DTWD2: variants seen among roughly 807,000 people sequenced by gnomAD.
DTWD2 encodes the protein DTW motif tRNA-uridine aminocarboxypropyltransferase 2, also known as tRNA-uridine aminocarboxypropyltransferase 2.
In DTWD2, 39 loss-of-function variants were observed where a neutral mutation model predicts 31.8. That is an observed-to-expected ratio of 1.22 (90% CI 0.95 to 1.60). The LOEUF is 1.60. Ranked by LOEUF, DTWD2 falls within the 40% of genes most tolerant of loss-of-function variation. The pLI, the probability that DTWD2 is intolerant of heterozygous loss-of-function variation, is 0.00. For synonymous variants in DTWD2, 180 were observed against 142.8 expected (o/e 1.26, Z -1.86); for missense variants, 515 against 381.5 (o/e 1.35, Z -2.92).
chr5:118,907,662 C>T (rs1243803581), intron 4 of DTWD2, among the ~76,000 whole-genome samples: 1 of 151,130 alleles, frequency 6.6e-6, no homozygotes, highest in Admixed American at 6.6e-5. Context: ...ACCTGAGAGG[C>T]GAAGACTGCA....
At chr5:118,955,690 GAGGCTA>G (rs1402281830) in intron 1 of DTWD2, among the ~76,000 whole-genome samples, 1 of 151,870 alleles carries the variant, frequency 6.6e-6, no homozygotes, top group African/African-American at 2.4e-5. Flanking sequence ...AGCTACTCAG[GAGGCTA>G]AGGCAGGAGG....
At chr5:118,879,609 CAAAA>C (rs775009585) in intron 4 of DTWD2, among the ~76,000 whole-genome samples, 3 of 36,192 alleles carry the variant, frequency 8.3e-5, no homozygotes, top group Non-Finnish European at 1.2e-4. Context: ...GACTACAGCT[CAAAA>C]AAAAAAAAAA....
At chr5:118,895,162 T>C (rs1753058037) in intron 4 of DTWD2, among the ~76,000 whole-genome samples, 1 of 152,178 alleles carries the variant, frequency 6.6e-6, no homozygotes, top group African/African-American at 2.4e-5. Flanking sequence ...TTAAGTAAAG[T>C]TGCAAGATGG....
At chr5:118,979,810 GAC>G (rs1755257137) in intron 1 of DTWD2, among the ~76,000 whole-genome samples, 1 of 152,228 alleles carries the variant, frequency 6.6e-6, no homozygotes, top group African/African-American at 2.4e-5. Flanking sequence ...AGAACACACA[GAC>G]ACAAAGTGGG....
Position 118,849,094 on chromosome 5 carries a change from C to T in DTWD2, c.598-876G>A, listed in dbSNP as rs1751938592. ...ATCATCAGAGTGAACAGGCAACCTA[C>T]AGAATGGGAGAAAAATTTTGCAATC... On this transcript the variant is annotated intron_variant, in intron 4 of 5. Transcript: ENST00000510708. 2.0e-5 allele frequency among the ~76,000 whole-genome samples: 3 copies of T among 152,118 alleles called. No homozygotes were observed. The South Asian group carries it at 6.2e-4, about 32-fold the overall frequency.
chr5:118,923,817 T>C (rs2149576604), intron 4 of DTWD2, among the ~76,000 whole-genome samples: 1 of 152,292 alleles, frequency 6.6e-6, no homozygotes, highest in African/African-American at 2.4e-5. Context: ...TAACTCAGGG[T>C]AACTCGGATC....
At chr5:118,895,885 G>C (rs116744876) in intron 4 of DTWD2, among the ~76,000 whole-genome samples, 2,597 of 152,148 alleles carry the variant, frequency 0.017, 73 homozygotes, top group African/African-American at 0.054. Context: ...ATATAACATG[G>C]AACCATTAAT....
intron 4 of DTWD2, among the ~76,000 whole-genome samples, chr5:118,869,236 T>C (rs933772793): frequency 1.3e-5 from 2 of 152,266 alleles, no homozygotes; most frequent in Non-Finnish European, 2.9e-5. Flanking sequence ...CACAACTTTT[T>C]TTACAAAGCA....
chr5:118,964,616 T>A (rs141018859), intron 1 of DTWD2, among the ~76,000 whole-genome samples: 23,276 of 152,224 alleles, frequency 0.15, 1,902 homozygotes, highest in Middle Eastern at 0.23. Flanking sequence ...GTTTTCGTAT[T>A]TTTTTGGTGG....
chr5:118,914,392 C>T (rs1183098977), intron 4 of DTWD2, among the ~76,000 whole-genome samples: 1 of 152,128 alleles, frequency 6.6e-6, no homozygotes, highest in Non-Finnish European at 1.5e-5. Flanking sequence ...TTAGAATTCC[C>T]AGCCTCCAGA....
chr5:118,983,511 T>TTC (rs575844486), intron 1 of DTWD2, among the ~76,000 whole-genome samples: 4,918 of 149,660 alleles, frequency 0.033, 114 homozygotes, highest in African/African-American at 0.057. Flanking sequence ...TTTCCCCATT[T>TTC]TCTCTCTCTC....
intron 5 of DTWD2, among the ~76,000 whole-genome samples, chr5:118,841,571 G>T (rs909334003): frequency 2.0e-5 from 3 of 152,090 alleles, no homozygotes; most frequent in Admixed American, 1.3e-4. Flanking sequence ...TTAGTGCCAT[G>T]GACCACATAC....
chr5:118,966,064 C>G (rs1396447890), intron 1 of DTWD2, among the ~76,000 whole-genome samples: 3 of 151,946 alleles, frequency 2.0e-5, no homozygotes, highest in Non-Finnish European at 4.4e-5. Flanking sequence ...CACTATTTCT[C>G]TTGAGAAACT....
chr5:118,877,061 G>A (rs1752636876), intron 4 of DTWD2, among the ~76,000 whole-genome samples: 1 of 152,178 alleles, frequency 6.6e-6, no homozygotes, highest in Non-Finnish European at 1.5e-5. Context: ...TGGAATGCAA[G>A]GTTAGTTCAA....
At chr5:118,916,230 C>T (rs1049876289) in intron 4 of DTWD2, among the ~76,000 whole-genome samples, 8 of 152,162 alleles carry the variant, frequency 5.3e-5, no homozygotes, top group African/African-American at 1.7e-4. Flanking sequence ...ATTTGCCTGT[C>T]ACCTTCTAGT....
chr5:118,962,186 C>T (rs892660680), intron 1 of DTWD2, among the ~76,000 whole-genome samples: 1 of 151,746 alleles, frequency 6.6e-6, no homozygotes, highest in Non-Finnish European at 1.5e-5. Context: ...TGTGGTGAGC[C>T]GAGATCACGC....
intron 1 of DTWD2, among the ~76,000 whole-genome samples, chr5:118,979,379 A>G (rs1755241289): frequency 6.6e-6 from 1 of 152,100 alleles, no homozygotes; most frequent in Non-Finnish European, 1.5e-5. Flanking sequence ...GGTTGTGGAG[A>G]AAAAAAGAAC....
intron 4 of DTWD2, among the ~76,000 whole-genome samples, chr5:118,885,456 C>CAAA (rs34550372): frequency 1.2e-3 from 68 of 57,436 alleles, no homozygotes; most frequent in East Asian, 2.7e-3. Flanking sequence ...GACTCCACCT[C>CAAA]AAAAAAAAAA....
At chr5:118,973,613 TTG>T (rs1390328168) in intron 1 of DTWD2, among the ~76,000 whole-genome samples, 2 of 23,660 alleles carry the variant, frequency 8.5e-5, no homozygotes, top group African/African-American at 1.9e-4. Flanking sequence ...GTCCGCCTCC[TTG>T]CTCGCGGCAG....
Sources: allele counts gnomAD v4.1 joint callset (sites outside exome capture counted in the v4.1 genomes callset), GRCh38; gene constraint gnomAD v4.1.1; transcripts MANE v1.5; gene names NCBI Gene and HGNC (gene_info 2026-07-23, HGNC 2026-07-21).